SLCO1B1: variants seen among roughly 807,000 people sequenced by gnomAD.
SLCO1B1 encodes solute carrier organic anion transporter family member 1B1.
Under a neutral mutation model 70.1 loss-of-function variants are expected in SLCO1B1, and 81 were observed. The ratio of observed to expected loss-of-function variants is 1.16; its 90% CI spans 0.97 to 1.39. SLCO1B1 has a LOEUF of 1.39. Among genes scored for constraint, SLCO1B1 ranks in the 40% most tolerant of loss-of-function variants. SLCO1B1 has a pLI of 0.00. For synonymous variants in SLCO1B1, 283 were observed against 271.5 expected (o/e 1.04, Z -0.42); for missense variants, 895 against 799.6 (o/e 1.12, Z -1.44).
At chr12:21,184,420 AG>A (rs1389792882) in intron 7 of SLCO1B1, among the ~76,000 whole-genome samples, 320 of 152,260 alleles carry the variant, frequency 2.1e-3, no homozygotes, top group African/African-American at 7.5e-3. Context: ...AACACCTTTG[AG>A]CAAAAACCAT....
chr12:21,157,600 AT>A (rs533368425), intron 2 of SLCO1B1, among the ~76,000 whole-genome samples: 13,659 of 136,740 alleles, frequency 0.1, 618 homozygotes, highest in African/African-American at 0.16. Context: ...AGACTGTAAA[AT>A]TTTTTTTTTT....
In SLCO1B1 at chr12:21,224,729, T is replaced by C. The variant is rs745562980; in HGVS notation, c.1755T>C (p.Ile585=). The change falls in exon 14 of 15, where the codon ATT becomes ATC. Residue 585 remains isoleucine (I), a synonymous_variant. Coordinates refer to ENST00000256958, the MANE Select transcript of SLCO1B1 (RefSeq NM_006446.5). The part of the protein sequence containing the change: ...HSMVIRALGG[I]LAPIYFGALI... ...TCTCTTCTCCTATTACAGGAGGAAT[T>C]CTAGCTCCAATATATTTTGGGGCTC... 28 of 1,598,902 alleles carry C rather than the reference T, an allele frequency of 1.8e-5. No individual in the cohort carries two copies. The East Asian group carries it at 6.3e-4, about 36-fold the overall frequency.
intron 14 of SLCO1B1, among the ~76,000 whole-genome samples, chr12:21,238,091 T>C (rs1490783249): frequency 6.6e-6 from 1 of 152,192 alleles, no homozygotes; most frequent in Non-Finnish European, 1.5e-5. Context: ...CACCCACTTA[T>C]ATAATTGTCT....
intron 7 of SLCO1B1, among the ~76,000 whole-genome samples, chr12:21,188,440 A>C (rs1940987745): frequency 6.6e-6 from 1 of 152,164 alleles, no homozygotes; most frequent in African/African-American, 2.4e-5. Context: ...TATAACATAC[A>C]AAACATGTGT....
intron 1 of SLCO1B1, among the ~76,000 whole-genome samples, chr12:21,134,161 C>A (rs900928783): frequency 6.6e-6 from 1 of 152,178 alleles, no homozygotes; most frequent in Non-Finnish European, 1.5e-5. Context: ...GTTGAACCAG[C>A]CTTGCATCCC....
chr12:21,154,462 A>G (rs577525378), intron 2 of SLCO1B1, among the ~76,000 whole-genome samples: 1 of 152,190 alleles, frequency 6.6e-6, no homozygotes, highest in African/African-American at 2.4e-5. Flanking sequence ...GTAAATTTCT[A>G]TTGTTTATAA....
rs558298601 is a variant in SLCO1B1, at chr12:21,197,288, G to A, written c.970+100G>A. On this transcript the variant is annotated intron_variant, in intron 8 of 14. Transcript: ENST00000256958. The stretch of plus-strand genomic sequence containing the variant: ...ATAAAGCATACCCAACTCATCTGGA[G>A]TTGGCTTTCTTTTGCACTAAATTTA... 5 of 1,347,426 alleles carry A rather than the reference G, an allele frequency of 3.7e-6. No individual in the cohort carries two copies. In the African/African-American group the frequency reaches 5.9e-5, roughly 16 times the overall value. The allele number at this position is 1,347,426 out of a possible 1,614,324, so 83.5% of individuals were successfully genotyped here. A position where few individuals can be genotyped will look rare whatever the true frequency, so the allele number is the denominator to read the frequency against.
At chr12:21,155,266 T>A (rs754454970) in intron 2 of SLCO1B1, among the ~76,000 whole-genome samples, 14 of 151,976 alleles carry the variant, frequency 9.2e-5, no homozygotes, top group Non-Finnish European at 2.1e-4. Flanking sequence ...TACCTATATA[T>A]GCTTTCAATG....
At chr12:21,215,990 A>G (rs1591824383) in intron 11 of SLCO1B1, among the ~76,000 whole-genome samples, 1 of 152,130 alleles carries the variant, frequency 6.6e-6, no homozygotes, top group Non-Finnish European at 1.5e-5. Context: ...CAGTTAATAC[A>G]TGCTCCCTCT....
chr12:21,179,718 A>G lies in SLCO1B1; in HGVS notation c.727+698A>G, dbSNP rs547807868. Among the ~76,000 whole-genome samples the G allele has an allele frequency of 7.4e-4, 112 of 152,202 alleles. 1 individual carries two copies. Among genetic ancestry groups the G allele is most frequent in the African/African-American group, 2.6e-3 (107 of 41,534 alleles). The stretch of plus-strand genomic sequence containing the variant: ...TTTTTCTTTTTTGCAGCTCAGTGGA[A>G]AATATATACATCTGTATCCAATGTT... On this transcript the variant is annotated intron_variant, in intron 7 of 14. Coordinates refer to ENST00000256958, the MANE Select transcript of SLCO1B1 (RefSeq NM_006446.5).
At chr12:21,148,845 C>T (rs566499223) in intron 2 of SLCO1B1, among the ~76,000 whole-genome samples, 3 of 152,022 alleles carry the variant, frequency 2.0e-5, no homozygotes, top group Non-Finnish European at 4.4e-5. Flanking sequence ...TTGATTCTTC[C>T]TATCCATGAG....
At chr12:21,234,460 G>C (rs1045025262) in intron 14 of SLCO1B1, among the ~76,000 whole-genome samples, 3 of 152,156 alleles carry the variant, frequency 2.0e-5, no homozygotes, top group Non-Finnish European at 4.4e-5. Flanking sequence ...AAGGTAGTCT[G>C]TTTCCCAGGC....
intron 2 of SLCO1B1, among the ~76,000 whole-genome samples, chr12:21,160,143 A>G (rs1361444478): frequency 6.6e-6 from 1 of 151,576 alleles, no homozygotes; most frequent in African/African-American, 2.4e-5. Context: ...TGAAATTCAT[A>G]CAGAACCAAA....
chr12:21,225,820 A>G lies in SLCO1B1; in HGVS notation c.1865+981A>G, dbSNP rs112809909. Among the ~76,000 whole-genome samples the G allele has an allele frequency of 2.0e-5, 3 of 152,348 alleles. 1 individual carries two copies. Among genetic ancestry groups the G allele is most frequent in the African/African-American group, 7.2e-5 (3 of 41,586 alleles). ...TGGATATGTAAAAAATAGTACAGCC[A>G]TGGTAGAAGACAGTCTGGAAGTTTC... On this transcript the variant is annotated intron_variant, in intron 14 of 14. Transcript: ENST00000256958.
chr12:21,149,928 G>T (rs545094814), intron 2 of SLCO1B1, among the ~76,000 whole-genome samples: 75 of 152,158 alleles, frequency 4.9e-4, no homozygotes, highest in Non-Finnish European at 9.4e-4. Context: ...CCCCCATAGA[G>T]CCCAGCAAGC....
intron 11 of SLCO1B1, among the ~76,000 whole-genome samples, chr12:21,215,399 T>C (rs1941345816): frequency 6.6e-6 from 1 of 152,216 alleles, no homozygotes; most frequent in African/African-American, 2.4e-5. Context: ...GGATGGTGGA[T>C]TTTATTGAAA....
At chr12:21,160,722 C>G (rs1202926011) in intron 2 of SLCO1B1, among the ~76,000 whole-genome samples, 1 of 152,068 alleles carries the variant, frequency 6.6e-6, no homozygotes, top group Non-Finnish European at 1.5e-5. Flanking sequence ...ACAGCATAAA[C>G]AGACATCCTA....
At chr12:21,205,382 A>G (rs1941203832) in intron 10 of SLCO1B1, among the ~76,000 whole-genome samples, 3 of 151,748 alleles carry the variant, frequency 2.0e-5, no homozygotes. Flanking sequence ...TGCTTTAAGC[A>G]TGTCTGTTTT....
At chr12:21,162,947 T>C (rs1940639485) in intron 2 of SLCO1B1, among the ~76,000 whole-genome samples, 1 of 152,216 alleles carries the variant, frequency 6.6e-6, no homozygotes, top group Non-Finnish European at 1.5e-5. Flanking sequence ...AAGTTATTTT[T>C]GTGGGATATC....
Sources: allele counts gnomAD v4.1 joint callset (sites outside exome capture counted in the v4.1 genomes callset), GRCh38; gene constraint gnomAD v4.1.1; transcripts MANE v1.5; gene names NCBI Gene and HGNC (gene_info 2026-07-23, HGNC 2026-07-21).